The following EXPH5 variants were observed in gnomAD, a reference collection of about 807,000 sequenced individuals.
EXPH5 encodes exophilin 5, also known as exophilin-5.
Under a neutral mutation model 41.1 loss-of-function variants are expected in EXPH5, and 42 were observed. The observed-to-expected ratio is 1.02, with a 90% CI of 0.80 to 1.32. EXPH5 has a LOEUF of 1.32. Ranked by LOEUF, EXPH5 falls within the 40% of genes most tolerant of loss-of-function variation. EXPH5 has a pLI of 0.00. For missense variants in EXPH5, 2,298 were observed against 2,314.5 expected (o/e 0.99, Z 0.15); for synonymous variants, 798 against 833.5 (o/e 0.96, Z 0.73).
At chr11:108,550,621 A>G (rs997610205) in intron 1 of EXPH5, among the ~76,000 whole-genome samples, 1 of 152,050 alleles carries the variant, frequency 6.6e-6, no homozygotes, top group Non-Finnish European at 1.5e-5. Context: ...TCTACTAAAA[A>G]TATAAAAATT....
chr11:108,569,152 A>G (rs371983190), intron 1 of EXPH5, among the ~76,000 whole-genome samples: 1 of 151,560 alleles, frequency 6.6e-6, no homozygotes, highest in Non-Finnish European at 1.5e-5. Flanking sequence ...AATGTTGTTC[A>G]CTCCACTTGC....
chr11:108,539,261 T>C, intron 2 of EXPH5, 75 bp from the exon 3 acceptor site: 1 of 1,125,076 alleles, frequency 8.9e-7, no homozygotes, highest in Non-Finnish European at 1.3e-6. Flanking sequence ...AAGCCTTTGC[T>C]CTTGTGTCAC....
At position 108,513,691 on chromosome 11, in the gene EXPH5, CAGG is replaced by C. The variant is rs745920179; in HGVS notation, c.1813_1815del (p.Pro605del). ...GCTTCTTTGTTTATATGTACTTCTA[CAGG>C]AGAACTGTCCTGTTGACTTACCAAC... On this transcript the variant is annotated inframe_deletion, in exon 6 of 6. Transcript: ENST00000265843. The C allele has an allele frequency of 6.2e-7, 1 of 1,612,974 alleles. No homozygotes were observed. Among genetic ancestry groups the C allele is most frequent in the Non-Finnish European group, 8.5e-7 (1 of 1,179,576 alleles).
rs544852926 is a variant in EXPH5 at position 108,528,123 on chromosome 11, T to C, written c.492+13A>G. The C allele has an allele frequency of 4.5e-6, 7 of 1,571,834 alleles. No homozygotes were observed. Among genetic ancestry groups the C allele is most frequent in the African/African-American group, 4.0e-5 (3 of 74,256 alleles). On this transcript the variant is annotated intron_variant, in intron 4 of 5. Coordinates refer to ENST00000265843, the MANE Select transcript of EXPH5 (RefSeq NM_015065.3). ...AATTTCTTAGAGTAACCTGTAGTTA[T>C]CTGGTTACTTACCACAGCAGCTCCC...
At chr11:108,528,230 T>G (rs1165942616) in intron 3 of EXPH5, 46 bp from the exon 4 acceptor site, 1 of 1,391,940 alleles carries the variant, frequency 7.2e-7, no homozygotes, top group Non-Finnish European at 1.0e-6. Flanking sequence ...GAGCCTAACT[T>G]TTACCAGGCG....
At chr11:108,526,752 C>A (rs776066617) in intron 4 of EXPH5, among the ~76,000 whole-genome samples, 3 of 152,186 alleles carry the variant, frequency 2.0e-5, no homozygotes, top group Non-Finnish European at 4.4e-5. Flanking sequence ...GCTTTCTAAT[C>A]CTCAGTCTGC....
At chr11:108,599,814 GGTAA>G in the EXPH5 span, among the ~76,000 whole-genome samples, 1 of 152,104 alleles carries the variant, frequency 6.6e-6, no homozygotes, top group Non-Finnish European at 1.5e-5. Context: ...AAGAAAGCAG[GGTAA>G]GTGAGAGCAC....
In EXPH5 at chr11:108,512,426, G is replaced by C; in HGVS notation, c.3081C>G (p.Ser1027Arg). 6.2e-7 allele frequency: 1 copy of C among 1,611,852 alleles called. No individual in the cohort carries two copies. Among genetic ancestry groups the C allele is most frequent in the Non-Finnish European group, 8.5e-7 (1 of 1,179,398 alleles). ...TIYCTLPRKSSSFLIHGRQSG... is the reference protein window; with the variant it reads ...TIYCTLPRKSRSFLIHGRQSG... ...ACTGCCTGCCATGTATGAGAAAACT[G>C]CTTGATTTTCTTGGCAAGGTACAAT... is the stretch of plus-strand genomic sequence containing the variant. The change falls in exon 6 of 6, where the codon AGC (serine) becomes AGG (arginine). Residue 1027 changes from serine (S) to arginine (R), a missense_variant. Ser to Arg is a moderately radical substitution (Grantham distance 110, BLOSUM62 -1). Coordinates refer to ENST00000265843, the MANE Select transcript of EXPH5 (RefSeq NM_015065.3).
intron 1 of EXPH5, among the ~76,000 whole-genome samples, chr11:108,583,182 A>G (rs1269661933): frequency 2.0e-5 from 3 of 151,998 alleles, no homozygotes; most frequent in Admixed American, 2.0e-4. Context: ...GGAGATTGAG[A>G]CCATCCTAGC....
chr11:108,505,662 A>G lies in EXPH5; in HGVS notation c.*3875T>C, dbSNP rs2093640659. Reference sequence around the variant, plus strand: ...CACAAACTTGCCTGGGAAGTAAAATATTTTACATATTTACACTGTACATTT... The same window carrying G: ...CACAAACTTGCCTGGGAAGTAAAATGTTTTACATATTTACACTGTACATTT... On this transcript the variant is annotated 3_prime_UTR_variant, in exon 6 of 6. Coordinates refer to ENST00000265843, the MANE Select transcript of EXPH5 (RefSeq NM_015065.3). 6.6e-6 allele frequency: 1 copy of G among 152,242 alleles called. No individual in the cohort carries two copies. Among genetic ancestry groups the G allele is most frequent in the Admixed American group, 6.5e-5 (1 of 15,284 alleles). 9.4% of individuals were successfully genotyped at this position (152,242 alleles called of 1,614,324 possible).
At chr11:108,555,765 C>T (rs1482786381) in intron 1 of EXPH5, among the ~76,000 whole-genome samples, 5 of 152,140 alleles carry the variant, frequency 3.3e-5, no homozygotes, top group Admixed American at 2.0e-4. Flanking sequence ...CTTCACTCGG[C>T]ACTTCTCTCT....
At chr11:108,546,865 C>G (rs1265112911) in intron 1 of EXPH5, among the ~76,000 whole-genome samples, 1 of 150,710 alleles carries the variant, frequency 6.6e-6, no homozygotes, top group Non-Finnish European at 1.5e-5. Flanking sequence ...TACAGTGGCA[C>G]AATCTCGGCT....
chr11:108,593,347 C>A, intron 1 of EXPH5, 71 bp downstream of exon 1: 2 of 1,397,626 alleles, frequency 1.4e-6, no homozygotes, highest in South Asian at 1.2e-5. Context: ...GCGAGCTCAG[C>A]GCCTTCCCCG....
intron 1 of EXPH5, among the ~76,000 whole-genome samples, chr11:108,576,013 G>T (rs922076113): frequency 1.3e-5 from 2 of 152,094 alleles, no homozygotes; most frequent in African/African-American, 4.8e-5. Flanking sequence ...GTAACAGTTT[G>T]ACAATTCCTC....
chr11:108,540,686 T>C (rs920101981), intron 2 of EXPH5, among the ~76,000 whole-genome samples: 1 of 152,048 alleles, frequency 6.6e-6, no homozygotes, highest in African/African-American at 2.4e-5. Context: ...TGAAAGCAAG[T>C]TTTAGTATCC....
chr11:108,556,106 A>G (rs1228948552), intron 1 of EXPH5, among the ~76,000 whole-genome samples: 3 of 152,242 alleles, frequency 2.0e-5, no homozygotes, highest in African/African-American at 7.2e-5. Context: ...CTTGCCTGGC[A>G]GAACAATGGG....
In EXPH5 at chr11:108,526,718, T is replaced by C. The variant is rs187603225; in HGVS notation, c.492+1418A>G. 1.9e-4 allele frequency among the ~76,000 whole-genome samples: 29 copies of C among 152,344 alleles called. No homozygotes were observed. The East Asian group carries it at 5.4e-3, about 28-fold the overall frequency. ...GGAGCTGCTGGCATTACTGACTTCATGCTGTGGAGTTCCAAAAACCCAGGC... is the reference window on the plus strand; with the variant it reads ...GGAGCTGCTGGCATTACTGACTTCACGCTGTGGAGTTCCAAAAACCCAGGC... On this transcript the variant is annotated intron_variant, in intron 4 of 5. Transcript: ENST00000265843.
intron 4 of EXPH5, among the ~76,000 whole-genome samples, chr11:108,525,732 A>G (rs192738514): frequency 8.3e-4 from 126 of 152,170 alleles, no homozygotes; most frequent in Middle Eastern, 3.4e-3. Flanking sequence ...GAGAATCGCT[A>G]TGGCATCCAT....
chr11:108,578,693 C>A (rs1346289430), intron 1 of EXPH5, among the ~76,000 whole-genome samples: 2 of 152,148 alleles, frequency 1.3e-5, no homozygotes, highest in African/African-American at 4.8e-5. Flanking sequence ...TTGTTTATGT[C>A]CTCTTCACTT....
Sources: gnomAD v4.1 joint callset for allele counts (sites outside exome capture counted in the v4.1 genomes callset) on GRCh38, gnomAD v4.1.1 for gene constraint, MANE v1.5 for transcripts, NCBI Gene and HGNC (gene_info 2026-07-23, HGNC 2026-07-21) for gene names.